TTC7A: variants seen among roughly 807,000 people sequenced by gnomAD.
TTC7A encodes the protein tetratricopeptide repeat domain 7A, also known as tetratricopeptide repeat protein 7A.
In TTC7A, 110 loss-of-function variants were observed where a neutral mutation model predicts 103.7. The observed-to-expected ratio is 1.06, with a 90% CI of 0.91 to 1.24. The LOEUF (loss-of-function observed/expected upper bound fraction) is 1.24. Ranked by LOEUF, TTC7A falls within the 50% of genes most tolerant of loss-of-function variation. The pLI is 0.00. For missense variants in TTC7A, 1,340 were observed against 1,116.3 expected (o/e 1.20, Z -2.86); for synonymous variants, 521 against 467.9 (o/e 1.11, Z -1.47).
chr2:47,021,817 A>G, intron 11 of TTC7A, 45 bp from the exon 12 acceptor site: 1 of 1,528,084 alleles, frequency 6.5e-7, no homozygotes, highest in Non-Finnish European at 9.1e-7. Flanking sequence ...CTGGTAGAGG[A>G]AACTCCAACC....
At position 46,974,744 on chromosome 2, in the gene TTC7A, C is replaced by G. The variant is rs867121716; in HGVS notation, c.518-229C>G. 2.9e-5 allele frequency: 18 copies of G among 614,974 alleles called. No individual in the cohort carries two copies. The Middle Eastern group carries it at 1.7e-3, about 60-fold the overall frequency. 38.1% of individuals were successfully genotyped at this position (614,974 alleles called of 1,614,324 possible). ...GGAGTGGCTTCCCCGGGTAGTTGGG[C>G]TGGGGTGATGCACTGTGATTCCCCA... On this transcript the variant is annotated intron_variant, in intron 3 of 19. Transcript: ENST00000319190.
At chr2:46,971,413 C>T (rs191676446) in intron 3 of TTC7A, among the ~76,000 whole-genome samples, 2 of 152,266 alleles carry the variant, frequency 1.3e-5, no homozygotes, top group Non-Finnish European at 1.5e-5. Flanking sequence ...ATCCTACAAC[C>T]TAGCAGTTGG....
intron 19 of TTC7A, among the ~76,000 whole-genome samples, chr2:47,072,658 C>T (rs1401467795): frequency 2.0e-5 from 3 of 152,350 alleles, no homozygotes; most frequent in East Asian, 1.9e-4. Context: ...CTGCGGCCCC[C>T]GCCTGTCCAG....
chr2:47,029,815 G>A (rs1245535308), intron 15 of TTC7A, among the ~76,000 whole-genome samples: 2 of 152,206 alleles, frequency 1.3e-5, no homozygotes, highest in East Asian at 1.9e-4. Context: ...ACGGGTTATG[G>A]CCCTCCAAGG....
chr2:46,920,008 G>T (rs1045830637), intron 2 of TTC7A, among the ~76,000 whole-genome samples: 3 of 152,164 alleles, frequency 2.0e-5, no homozygotes, highest in Admixed American at 6.6e-5. Context: ...GGCATGTGTT[G>T]TGTTGTTCTG....
At chr2:46,962,104 C>G (rs1672434406) in intron 3 of TTC7A, among the ~76,000 whole-genome samples, 1 of 152,100 alleles carries the variant, frequency 6.6e-6, no homozygotes, top group African/African-American at 2.4e-5. Flanking sequence ...AACCAATCTC[C>G]CTCTCTCCTT....
Position 46,932,900 on chromosome 2 carries a change from C to CAAA in TTC7A, c.82+15638_82+15640dup, listed in dbSNP as rs34183870. On this transcript the variant is annotated intron_variant, in intron 2 of 20. Coordinates refer to the TTC7A transcript ENST00000409245. ...TGAGCAACAGAGTGAGACTCCATCT[C>CAAA]AAAAAAAAAAAAAAAAACAGATGGA... Among the ~76,000 whole-genome samples, 121 of 69,392 alleles carry CAAA rather than the reference C, an allele frequency of 1.7e-3. 1 individual carries two copies. The highest frequency in any genetic ancestry group is 4.9e-3 in the African/African-American group (94 of 19,368). 45.5% of individuals were successfully genotyped at this position (69,392 alleles called of 152,430 possible).
intron 16 of TTC7A, among the ~76,000 whole-genome samples, chr2:47,047,749 C>G (rs1346466168): frequency 6.6e-6 from 1 of 152,234 alleles, no homozygotes; most frequent in African/African-American, 2.4e-5. Flanking sequence ...AAGACCTGGC[C>G]TATGCCTCCC....
chr2:47,050,910 TC>T (rs1320337999), intron 17 of TTC7A: 4 of 152,250 alleles, frequency 2.6e-5, no homozygotes, highest in Non-Finnish European at 4.4e-5. Context: ...CCGTGAGGTC[TC>T]CTGAGTTTAT....
At chr2:47,057,781 C>G (rs909678943) in intron 18 of TTC7A, among the ~76,000 whole-genome samples, 3 of 152,230 alleles carry the variant, frequency 2.0e-5, no homozygotes, top group Non-Finnish European at 2.9e-5. Flanking sequence ...CCTCTGCAGC[C>G]TTCAGGCTCC....
intron 19 of TTC7A, among the ~76,000 whole-genome samples, chr2:47,067,189 A>G (rs991195955): frequency 3.9e-5 from 6 of 152,252 alleles, no homozygotes; most frequent in African/African-American, 1.4e-4. Flanking sequence ...TGGGGGACAC[A>G]TTCAATCCAT....
intron 11 of TTC7A, among the ~76,000 whole-genome samples, chr2:47,018,671 A>G (rs1678952078): frequency 6.6e-6 from 1 of 151,800 alleles, no homozygotes; most frequent in African/African-American, 2.4e-5. Context: ...ATACAGTTAT[A>G]TATCTACATA....
At chr2:46,990,202 G>A (rs927117887) in intron 5 of TTC7A, among the ~76,000 whole-genome samples, 2 of 152,252 alleles carry the variant, frequency 1.3e-5, no homozygotes, top group Admixed American at 1.3e-4. Context: ...GTTGAGGTCT[G>A]TCCTTTTACT....
chr2:47,032,009 G>A (rs915687544), intron 15 of TTC7A, among the ~76,000 whole-genome samples: 3 of 152,150 alleles, frequency 2.0e-5, no homozygotes, highest in African/African-American at 7.2e-5. Context: ...CTCCCTGCGG[G>A]CAGTGTGTGC....
At chr2:47,009,551 G>A (rs1295013139) in intron 10 of TTC7A, among the ~76,000 whole-genome samples, 4 of 152,210 alleles carry the variant, frequency 2.6e-5, no homozygotes, top group Non-Finnish European at 2.9e-5. Context: ...GCGGGGAAAA[G>A]GGGAGGCCAG....
chr2:47,030,430 T>C (rs1680407950), intron 15 of TTC7A, among the ~76,000 whole-genome samples: 1 of 152,192 alleles, frequency 6.6e-6, no homozygotes, highest in Non-Finnish European at 1.5e-5. Flanking sequence ...TCCTGCATCC[T>C]TGGCCTCCTT....
intron 4 of TTC7A, among the ~76,000 whole-genome samples, chr2:46,978,447 C>T (rs552134954): frequency 1.3e-5 from 2 of 151,894 alleles, no homozygotes; most frequent in East Asian, 3.9e-4. Flanking sequence ...ATGTTAGGGG[C>T]TTAGTGCAGT....
intron 15 of TTC7A, among the ~76,000 whole-genome samples, chr2:47,031,825 C>CT (rs1680575961): frequency 6.6e-6 from 1 of 152,218 alleles, no homozygotes; most frequent in Non-Finnish European, 1.5e-5. Flanking sequence ...GGCTAACTCC[C>CT]TTTTTTGGAA....
At chr2:47,040,928 A>G (rs1271182568) in intron 15 of TTC7A, among the ~76,000 whole-genome samples, 1 of 152,190 alleles carries the variant, frequency 6.6e-6, no homozygotes, top group East Asian at 1.9e-4. Context: ...CGAGGACAGT[A>G]CTGTGACCAT....
Sources: gnomAD v4.1 joint callset for allele counts (sites outside exome capture counted in the v4.1 genomes callset) on GRCh38, gnomAD v4.1.1 for gene constraint, MANE v1.5 for transcripts, NCBI Gene and HGNC (gene_info 2026-07-23, HGNC 2026-07-21) for gene names.